Variants in PDE7B observed in about 807,000 individuals in gnomAD.
The protein encoded by PDE7B is phosphodiesterase 7B, also known as 3',5'-cyclic-AMP phosphodiesterase 7B.
A neutral mutation model predicts 56.2 loss-of-function variants in PDE7B; 29 were observed. That is an observed-to-expected ratio of 0.52 (90% CI 0.38 to 0.70). The LOEUF (loss-of-function observed/expected upper bound fraction) is 0.70. PDE7B is among the 30% of genes least tolerant of loss of function. The pLI is 0.00. For missense variants in PDE7B, 490 were observed against 565.0 expected, an observed-to-expected ratio of 0.87 and a Z score of 1.35; for synonymous variants, 197 against 196.9, an observed-to-expected ratio of 1.00 and a Z score of 0.00.
At chr6:136,140,208 T>C (rs991243827) in intron 3 of PDE7B, among the ~76,000 whole-genome samples, 11 of 152,224 alleles carry the variant, frequency 7.2e-5, no homozygotes, top group East Asian at 1.9e-4. Context: ...GTTTTCCCAG[T>C]AGCATTTATT....
At chr6:136,061,940 C>T (rs1776852126) in intron 2 of PDE7B, among the ~76,000 whole-genome samples, 1 of 152,174 alleles carries the variant, frequency 6.6e-6, no homozygotes, top group Non-Finnish European at 1.5e-5. Context: ...AGAACTCAAA[C>T]ATGGGATATT....
At chr6:136,138,413 A>G (rs1414956787) in intron 3 of PDE7B, among the ~76,000 whole-genome samples, 2 of 152,032 alleles carry the variant, frequency 1.3e-5, no homozygotes, top group African/African-American at 4.8e-5. Context: ...TTTTCCTCCC[A>G]TCTTCAGCTT....
rs757395322 is a variant in PDE7B, at chr6:136,173,898, G to C, written c.803+10G>C. 3.8e-6 allele frequency: 6 copies of C among 1,590,352 alleles called. No homozygotes were observed. ...TGCCAAAGGAAATGACGTAAGTGCT[G>C]CCGAGATGAAACATACTGATGTGCA... On this transcript the variant is annotated intron_variant, in intron 9 of 12. Transcript: ENST00000308191.
intron 1 of PDE7B, among the ~76,000 whole-genome samples, chr6:135,889,953 A>G (rs1407285006): frequency 8.1e-6 from 1 of 124,158 alleles, no homozygotes; most frequent in Non-Finnish European, 1.7e-5. Context: ...GGGTTTCACC[A>G]TGTTGATCAG....
chr6:136,053,221 C>T (rs1434654586), intron 2 of PDE7B, among the ~76,000 whole-genome samples: 1 of 126,696 alleles, frequency 7.9e-6, no homozygotes, highest in Non-Finnish European at 1.6e-5. Flanking sequence ...CCCCCCACCC[C>T]ACAACAGGCC....
intron 2 of PDE7B, among the ~76,000 whole-genome samples, chr6:136,021,846 CTCT>C (rs1290040515): frequency 6.6e-6 from 1 of 152,196 alleles, no homozygotes; most frequent in East Asian, 1.9e-4. Context: ...GATCACATCA[CTCT>C]TCTTCTGAAA....
chr6:136,115,833 C>G, intron 3 of PDE7B, among the ~76,000 whole-genome samples: 1 of 152,194 alleles, frequency 6.6e-6, no homozygotes, highest in East Asian at 1.9e-4. Context: ...TACCTTCTGT[C>G]TCAGACAGCA....
At chr6:135,902,413 G>A (rs1175301767) in intron 1 of PDE7B, among the ~76,000 whole-genome samples, 1 of 150,226 alleles carries the variant, frequency 6.7e-6, no homozygotes, top group Non-Finnish European at 1.5e-5. Context: ...TCTTCTTTGT[G>A]CCCTGAGTCA....
intron 1 of PDE7B, among the ~76,000 whole-genome samples, chr6:135,907,829 C>T (rs1776142935): frequency 6.6e-6 from 1 of 152,010 alleles, no homozygotes; most frequent in Non-Finnish European, 1.5e-5. Flanking sequence ...ATATCCTGCT[C>T]TTGGATAGAC....
intron 3 of PDE7B, among the ~76,000 whole-genome samples, chr6:136,123,168 T>C (rs1220213786): frequency 6.6e-6 from 1 of 152,014 alleles, no homozygotes; most frequent in East Asian, 1.9e-4. Context: ...CTGGGCAACA[T>C]AGCAAGACTC....
Position 136,057,882 on chromosome 6 carries a change from G to A in PDE7B, c.83-50849G>A, listed in dbSNP as rs149311781. Among the ~76,000 whole-genome samples, 1,289 of 152,150 alleles carry A rather than the reference G, an allele frequency of 8.5e-3. 13 individuals carry two copies. The highest frequency in any genetic ancestry group is 0.041 in the Middle Eastern group (12 of 292). On this transcript the variant is annotated intron_variant, in intron 2 of 12. Coordinates refer to ENST00000308191, the MANE Select transcript of PDE7B (RefSeq NM_018945.4). ...CTCCCAAGTAGCTGGGGTCACAGGCGTGCACCACCTCGCCTGACTAATTTT... is the reference window on the plus strand; with the variant it reads ...CTCCCAAGTAGCTGGGGTCACAGGCATGCACCACCTCGCCTGACTAATTTT...
At chr6:135,857,266 T>G (rs1307901199) in intron 1 of PDE7B, among the ~76,000 whole-genome samples, 2 of 152,156 alleles carry the variant, frequency 1.3e-5, no homozygotes, top group Admixed American at 6.5e-5. Context: ...TTCCTGCTGA[T>G]ATTTTTTTCT....
intron 1 of PDE7B, among the ~76,000 whole-genome samples, chr6:135,944,556 G>A (rs889123664): frequency 1.3e-5 from 2 of 152,128 alleles, no homozygotes; most frequent in African/African-American, 4.8e-5. Context: ...TGAAGACAAG[G>A]AAGAGGACCA....
intron 9 of PDE7B, among the ~76,000 whole-genome samples, chr6:136,176,230 T>C (rs1472130427): frequency 1.3e-5 from 2 of 152,072 alleles, no homozygotes; most frequent in African/African-American, 4.8e-5. Context: ...GTTTGCCTTT[T>C]GATTCATGAA....
At chr6:136,101,804 G>T (rs1489612253) in intron 2 of PDE7B, among the ~76,000 whole-genome samples, 3 of 152,132 alleles carry the variant, frequency 2.0e-5, no homozygotes, top group African/African-American at 7.2e-5. Flanking sequence ...AGGGGTTCAT[G>T]GGTCCCGAGC....
intron 2 of PDE7B, among the ~76,000 whole-genome samples, chr6:135,992,566 A>G (rs1237732856): frequency 6.6e-6 from 1 of 152,118 alleles, no homozygotes; most frequent in Non-Finnish European, 1.5e-5. Flanking sequence ...TGATACTTCA[A>G]ATTTTTTTTT....
intron 2 of PDE7B, among the ~76,000 whole-genome samples, chr6:135,996,046 A>T (rs1775560137): frequency 6.6e-6 from 1 of 152,192 alleles, no homozygotes; most frequent in Non-Finnish European, 1.5e-5. Flanking sequence ...AAATCTCATG[A>T]AAAGTTTACC....
At chr6:135,915,229 CAT>C (rs1776281132) in intron 1 of PDE7B, among the ~76,000 whole-genome samples, 1 of 152,156 alleles carries the variant, frequency 6.6e-6, no homozygotes, top group Non-Finnish European at 1.5e-5. Context: ...TTGTCTGTCA[CAT>C]ATAAAGTGGC....
At position 136,192,091 on chromosome 6, in the gene PDE7B, A is replaced by G. The variant is rs1583936899; in HGVS notation, c.*251A>G. 3.9e-6 allele frequency: 2 copies of G among 514,544 alleles called. No individual in the cohort carries two copies. Among genetic ancestry groups the G allele is most frequent in the East Asian group, 3.4e-5 (1 of 29,238 alleles). The allele number at this position is 514,544 out of a possible 1,614,324, so 31.9% of individuals were successfully genotyped here. Reference sequence around the variant, plus strand: ...TAACGTGGGAGCTGATCCCACGGGCAGGCTCTCCCTGCTCCAGGAGAAGAC... The same window carrying G: ...TAACGTGGGAGCTGATCCCACGGGCGGGCTCTCCCTGCTCCAGGAGAAGAC... On this transcript the variant is annotated 3_prime_UTR_variant, in exon 13 of 13. Coordinates refer to ENST00000308191, the MANE Select transcript of PDE7B (RefSeq NM_018945.4).
Sources: gnomAD v4.1 joint callset for allele counts (sites outside exome capture counted in the v4.1 genomes callset) on GRCh38, gnomAD v4.1.1 for gene constraint, MANE v1.5 for transcripts, NCBI Gene and HGNC (gene_info 2026-07-23, HGNC 2026-07-21) for gene names.